The following STOX2 variants were observed in gnomAD, a reference collection of about 807,000 sequenced individuals.
STOX2 encodes the protein storkhead box 2, also known as storkhead-box protein 2.
A neutral mutation model predicts 60.9 loss-of-function variants in STOX2; 28 were observed. The observed-to-expected ratio is 0.46, with a 90% CI of 0.34 to 0.63. STOX2 has a LOEUF of 0.63. STOX2 is among the 30% of genes least tolerant of loss of function. The pLI is 0.01. For missense variants in STOX2, 1,024 were observed against 1,187.7 expected (o/e 0.86, Z 2.03); for synonymous variants, 472 against 463.9 (o/e 1.02, Z -0.22).
rs1004470309 is a variant in STOX2, at chr4:184,017,978, A to G, written c.*694A>G. On this transcript the variant is annotated 3_prime_UTR_variant, in exon 4 of 4. Coordinates refer to ENST00000308497, the MANE Select transcript of STOX2 (RefSeq NM_020225.3). ...TCAGGGTTTTGTTTTGAAGTGTCAC[A>G]GATGCTTGTCTGATTTTTTTAACCT... is the stretch of plus-strand genomic sequence containing the variant. The G allele has an allele frequency of 6.6e-6, 1 of 152,208 alleles. No individual in the cohort carries two copies. Among genetic ancestry groups the G allele is most frequent in the Non-Finnish European group, 1.5e-5 (1 of 68,040 alleles). 9.4% of individuals were successfully genotyped at this position (152,208 alleles called of 1,614,324 possible). A position where few individuals can be genotyped will look rare whatever the true frequency, so the allele number is the denominator to read the frequency against.
At chr4:183,866,478 C>G (rs1429430295) in intron 1 of STOX2, among the ~76,000 whole-genome samples, 1 of 151,992 alleles carries the variant, frequency 6.6e-6, no homozygotes, top group Non-Finnish European at 1.5e-5. Context: ...ATTTAAGAGC[C>G]ATCTGTTTTA....
intron 1 of STOX2, among the ~76,000 whole-genome samples, chr4:183,993,845 G>A (rs574503625): frequency 3.3e-5 from 5 of 152,274 alleles, no homozygotes; most frequent in African/African-American, 7.2e-5. Context: ...TGCTTAAAAC[G>A]CAGGAGCATG....
chr4:183,798,618 T>C (rs550295554), intron 1 of STOX2: 1 of 985,128 alleles, frequency 1.0e-6, no homozygotes, highest in East Asian at 1.1e-4. Flanking sequence ...GGCTGCAGAG[T>C]TCGTCTTAAA....
At chr4:183,993,367 G>A (rs1006972609) in intron 1 of STOX2, among the ~76,000 whole-genome samples, 1 of 152,288 alleles carries the variant, frequency 6.6e-6, no homozygotes, top group African/African-American at 2.4e-5. Flanking sequence ...CCCGGGTGAC[G>A]TGGGGGATGT....
chr4:183,917,806 G>A (rs1390481956), intron 1 of STOX2, among the ~76,000 whole-genome samples: 1 of 152,206 alleles, frequency 6.6e-6, no homozygotes, highest in East Asian at 1.9e-4. Context: ...CTGTGATTTA[G>A]GGCTGTGAAA....
chr4:183,896,822 A>G (rs1475484253), intron 1 of STOX2, among the ~76,000 whole-genome samples: 1 of 152,366 alleles, frequency 6.6e-6, no homozygotes, highest in Non-Finnish European at 1.5e-5. Context: ...GGTGTTCAAC[A>G]TAAAGATAAG....
rs140802416 is a variant in STOX2 at position 183,807,234 on chromosome 4, A to T, written c.364+9179A>T. ...TGATCTGCCCGTCTTGGCCTCCCAA[A>T]GTGCTGGGATTACAGGCCTGAACCA... On this transcript the variant is annotated intron_variant, in intron 1 of 2. Transcript: ENST00000513034. Among the ~76,000 whole-genome samples, 144 of 152,216 alleles carry T rather than the reference A, an allele frequency of 9.5e-4. 1 individual carries two copies. In the East Asian group the frequency reaches 0.023, roughly 24 times the overall value.
chr4:183,871,753 AG>A (rs1183711205), intron 1 of STOX2, among the ~76,000 whole-genome samples: 1 of 152,036 alleles, frequency 6.6e-6, no homozygotes, highest in African/African-American at 2.4e-5. Context: ...AGTTCTTTTT[AG>A]GGGAAAAAAT....
At chr4:183,860,486 T>G (rs187806182) in intron 1 of STOX2, among the ~76,000 whole-genome samples, 9 of 146,052 alleles carry the variant, frequency 6.2e-5, no homozygotes, top group Admixed American at 4.1e-4. Flanking sequence ...AATTGGAGAA[T>G]TGAGTTGACA....
chr4:184,000,830 T>C (rs1733562531), intron 1 of STOX2, among the ~76,000 whole-genome samples: 2 of 152,200 alleles, frequency 1.3e-5, no homozygotes, highest in Admixed American at 6.5e-5. Flanking sequence ...TTGTCTGTCT[T>C]CTCCACTTAA....
Position 183,832,994 on chromosome 4 carries a change from A to G in STOX2, c.364+34939A>G, listed in dbSNP as rs58290438. On this transcript the variant is annotated intron_variant, in intron 1 of 2. Transcript: ENST00000513034. ...ATGCTGATGTTTTTCAATCTCCAAT[A>G]GGAGTATTAGTCAGCTATTAAGAAT... 5.1e-3 allele frequency among the ~76,000 whole-genome samples: 778 copies of G among 152,358 alleles called. 8 individuals carry two copies. The highest frequency in any genetic ancestry group is 0.018 in the African/African-American group (730 of 41,572).
At chr4:183,831,757 C>T (rs1305862094) in intron 1 of STOX2, among the ~76,000 whole-genome samples, 1 of 152,080 alleles carries the variant, frequency 6.6e-6, no homozygotes, top group African/African-American at 2.4e-5. Flanking sequence ...ACAAAAAACA[C>T]TAAAAGTAAA....
At chr4:183,877,408 C>T (rs1740853633) in intron 1 of STOX2, among the ~76,000 whole-genome samples, 1 of 152,166 alleles carries the variant, frequency 6.6e-6, no homozygotes, top group South Asian at 2.1e-4. Flanking sequence ...GAAACATGAA[C>T]ACCAGCCAGT....
chr4:183,841,127 C>T (rs1408860210), intron 1 of STOX2, among the ~76,000 whole-genome samples: 7 of 152,182 alleles, frequency 4.6e-5, no homozygotes, highest in African/African-American at 7.2e-5. Flanking sequence ...CCCGACCTCC[C>T]GTGCTGGGAT....
chr4:183,937,090 A>C (rs1742609429), intron 1 of STOX2, among the ~76,000 whole-genome samples: 1 of 152,222 alleles, frequency 6.6e-6, no homozygotes, highest in Non-Finnish European at 1.5e-5. Flanking sequence ...CACTCAGGGC[A>C]GTGTATGCAT....
At chr4:183,975,582 A>C (rs1732415954) in intron 1 of STOX2, among the ~76,000 whole-genome samples, 1 of 152,126 alleles carries the variant, frequency 6.6e-6, no homozygotes, top group Non-Finnish European at 1.5e-5. Flanking sequence ...GAAATGGACC[A>C]AATCCTAGAA....
chr4:183,908,674 A>C (rs1464778864), intron 1 of STOX2, among the ~76,000 whole-genome samples: 1 of 143,836 alleles, frequency 7.0e-6, no homozygotes, highest in African/African-American at 2.6e-5. Context: ...CTTGTCTGCT[A>C]TTGCAGGTGC....
intron 1 of STOX2, among the ~76,000 whole-genome samples, chr4:183,816,986 G>T (rs954633719): frequency 2.0e-5 from 3 of 152,202 alleles, no homozygotes; most frequent in Non-Finnish European, 2.9e-5. Flanking sequence ...TGAATTTCTA[G>T]TGTTGCCTCA....
intron 1 of STOX2, among the ~76,000 whole-genome samples, chr4:183,855,148 C>A (rs911396317): frequency 3.3e-5 from 5 of 152,152 alleles, no homozygotes; most frequent in Admixed American, 2.6e-4. Flanking sequence ...CCACAGCTGT[C>A]GAATACGAGG....
Sources: allele counts gnomAD v4.1 joint callset (sites outside exome capture counted in the v4.1 genomes callset), GRCh38; gene constraint gnomAD v4.1.1; transcripts MANE v1.5; gene names NCBI Gene and HGNC (gene_info 2026-07-23, HGNC 2026-07-21).